Variants in MAP2K6 observed in about 807,000 individuals in gnomAD.
The protein encoded by MAP2K6 is mitogen-activated protein kinase kinase 6, also known as dual specificity mitogen-activated protein kinase kinase 6.
A neutral mutation model predicts 53.7 loss-of-function variants in MAP2K6; 16 were observed. The observed-to-expected ratio is 0.30, with a 90% CI of 0.20 to 0.45. The LOEUF (loss-of-function observed/expected upper bound fraction) is 0.45, where lower values mean the gene tolerates loss of function less well. Among genes scored for constraint, MAP2K6 ranks in the 20% least tolerant of loss-of-function variants. MAP2K6 has a pLI of 1.00. For synonymous variants in MAP2K6, 132 were observed against 143.1 expected (o/e 0.92, Z 0.55); for missense variants, 204 against 411.9 (o/e 0.50, Z 4.37).
chr17:69,527,633 C>T (rs774708265), intron 10 of MAP2K6, among the ~76,000 whole-genome samples: 12 of 152,194 alleles, frequency 7.9e-5, no homozygotes, highest in Admixed American at 2.6e-4. Context: ...TTTGGCCATC[C>T]GGGAGAAGTA....
At chr17:69,529,434 G>A (rs4968792) in intron 10 of MAP2K6, among the ~76,000 whole-genome samples, 95,791 of 151,302 alleles carry the variant, frequency 0.63, 30,690 homozygotes, top group Middle Eastern at 0.74. Context: ...AATTTTCTCC[G>A]AAGAATCAGA....
chr17:69,467,647 C>T (rs1044394359), intron 1 of MAP2K6, among the ~76,000 whole-genome samples: 3 of 152,184 alleles, frequency 2.0e-5, no homozygotes, highest in Non-Finnish European at 4.4e-5. Flanking sequence ...AACTACCATA[C>T]TATAAAAATG....
chr17:69,473,730 A>G (rs1391469845), intron 1 of MAP2K6, among the ~76,000 whole-genome samples: 2 of 152,240 alleles, frequency 1.3e-5, no homozygotes, highest in Non-Finnish European at 2.9e-5. Flanking sequence ...ATGTACATCA[A>G]TGATAATTGA....
chr17:69,482,252 G>A (rs922590640), intron 1 of MAP2K6, among the ~76,000 whole-genome samples: 13 of 152,106 alleles, frequency 8.5e-5, no homozygotes, highest in African/African-American at 2.9e-4. Context: ...TTCATAGACT[G>A]TTCAGTTATT....
At chr17:69,458,099 G>A (rs1292317827) in intron 1 of MAP2K6, among the ~76,000 whole-genome samples, 1 of 151,976 alleles carries the variant, frequency 6.6e-6, no homozygotes, top group Non-Finnish European at 1.5e-5. Flanking sequence ...TGTCGCCCAG[G>A]CTGGAGTGCA....
intron 10 of MAP2K6, 105 bp from the exon 11 acceptor site, chr17:69,536,010 A>G (rs1417690751): frequency 2.7e-6 from 2 of 738,112 alleles, no homozygotes; most frequent in South Asian, 1.5e-5. Context: ...TTTTCAATAC[A>G]CTTTTAAAGC....
chr17:69,466,171 A>G (rs1174481260), intron 1 of MAP2K6, among the ~76,000 whole-genome samples: 1 of 150,730 alleles, frequency 6.6e-6, no homozygotes, highest in Non-Finnish European at 1.5e-5. Context: ...CTGTAGTCCC[A>G]GCTACCAGCT....
At chr17:69,500,447 CAAAAAAAAAAAA>C (rs58712110) in intron 1 of MAP2K6, among the ~76,000 whole-genome samples, 12 of 57,622 alleles carry the variant, frequency 2.1e-4, no homozygotes, top group Non-Finnish European at 2.8e-4. Flanking sequence ...GACTCTGTCT[CAAAAAAAAAAAA>C]AAAAAAAAAA....
At chr17:69,488,571 C>T (rs114540889) in intron 1 of MAP2K6, among the ~76,000 whole-genome samples, 1,657 of 152,104 alleles carry the variant, frequency 0.011, 27 homozygotes, top group African/African-American at 0.037. Context: ...ACATATACAC[C>T]GTGAAATACT....
In MAP2K6 at chr17:69,553,637, T is replaced by C. The variant is rs1167273108; in HGVS notation, c.*11884T>C. On this transcript the variant is annotated 3_prime_UTR_variant, in exon 12 of 12. Coordinates refer to ENST00000590474, the MANE Select transcript of MAP2K6 (RefSeq NM_002758.4). ...TTCACACCGTGTGTGTTGTGTTCAA[T>C]GTTGTGTCAATCTACAAACTGACTC... 1 of 152,236 alleles carries C rather than the reference T, an allele frequency of 6.6e-6. No homozygotes were observed. Among genetic ancestry groups the C allele is most frequent in the East Asian group, 1.9e-4 (1 of 5,196 alleles). 9.4% of individuals were successfully genotyped at this position (152,236 alleles called of 1,614,324 possible).
intron 1 of MAP2K6, among the ~76,000 whole-genome samples, chr17:69,484,705 G>A (rs771126389): frequency 2.3e-4 from 35 of 152,054 alleles, no homozygotes; most frequent in Admixed American, 5.9e-4. Context: ...AATAAAAGGT[G>A]GCACAGGTAT....
At chr17:69,423,927 A>G (rs1471586069) in intron 1 of MAP2K6, among the ~76,000 whole-genome samples, 3 of 152,276 alleles carry the variant, frequency 2.0e-5, no homozygotes, top group Non-Finnish European at 2.9e-5. Flanking sequence ...AAAAACCACA[A>G]TTACTTTTGC....
intron 1 of MAP2K6, chr17:69,477,458 G>A (rs1156640098): frequency 6.6e-6 from 1 of 152,220 alleles, no homozygotes; most frequent in African/African-American, 2.4e-5. Context: ...GAGATAGAAG[G>A]CATCTGGTAC....
intron 1 of MAP2K6, among the ~76,000 whole-genome samples, chr17:69,419,311 A>G (rs1257045627): frequency 3.9e-5 from 6 of 152,210 alleles, no homozygotes; most frequent in Admixed American, 3.9e-4. Flanking sequence ...GTCCTGGGTC[A>G]AAGGGCATGT....
At chr17:69,489,460 T>C (rs181674657) in intron 1 of MAP2K6, among the ~76,000 whole-genome samples, 5 of 152,342 alleles carry the variant, frequency 3.3e-5, no homozygotes, top group African/African-American at 1.2e-4. Context: ...CTGGAACAAT[T>C]TCCAGACTTA....
At chr17:69,425,666 C>T (rs1440688458) in intron 1 of MAP2K6, among the ~76,000 whole-genome samples, 1 of 152,212 alleles carries the variant, frequency 6.6e-6, no homozygotes, top group Non-Finnish European at 1.5e-5. Context: ...ACAGCTATAC[C>T]TATGCCTCAG....
intron 10 of MAP2K6, among the ~76,000 whole-genome samples, chr17:69,533,645 C>T (rs149807947): frequency 1.4e-3 from 210 of 151,660 alleles, no homozygotes; most frequent in African/African-American, 4.8e-3. Context: ...ATTTACTTAG[C>T]GTGTTACATT....
chr17:69,474,551 CCTT>C (rs1908076124), intron 1 of MAP2K6, among the ~76,000 whole-genome samples: 1 of 152,194 alleles, frequency 6.6e-6, no homozygotes, highest in Non-Finnish European at 1.5e-5. Context: ...CTCCCTCTCT[CCTT>C]CTTACCCTGC....
rs1905846623 is a variant in MAP2K6 at position 69,414,780 on chromosome 17, G to A, written c.-205G>A. The A allele has an allele frequency of 7.5e-6, 4 of 534,498 alleles. No individual in the cohort carries two copies. The highest frequency in any genetic ancestry group is 3.5e-5 in the Admixed American group (1 of 28,306). 33.1% of individuals were successfully genotyped at this position (534,498 alleles called of 1,614,324 possible). ...GCCTTCCCTAACGTTGCAACTGGGGGAAAAATCACTTTCCAGTCTGTTTTG... is the reference window on the plus strand; with the variant it reads ...GCCTTCCCTAACGTTGCAACTGGGGAAAAAATCACTTTCCAGTCTGTTTTG... On this transcript the variant is annotated 5_prime_UTR_variant, in exon 1 of 12. Coordinates refer to ENST00000590474, the MANE Select transcript of MAP2K6 (RefSeq NM_002758.4).
Sources: allele counts gnomAD v4.1 joint callset (sites outside exome capture counted in the v4.1 genomes callset), GRCh38; gene constraint gnomAD v4.1.1; transcripts MANE v1.5; gene names NCBI Gene and HGNC (gene_info 2026-07-23, HGNC 2026-07-21).